The following ALOX5AP variants were observed in gnomAD, a reference collection of about 807,000 sequenced individuals.
The protein encoded by ALOX5AP is arachidonate 5-lipoxygenase activating protein.
A neutral mutation model predicts 18.5 loss-of-function variants in ALOX5AP; 9 were observed. The ratio of observed to expected loss-of-function variants is 0.49; its 90% CI spans 0.29 to 0.85. The LOEUF is 0.85. Among genes scored for constraint, ALOX5AP ranks in the 40% least tolerant of loss-of-function variants. The probability of loss-of-function intolerance (pLI) is 0.08; values close to 1 mark genes in which losing one functional copy is unlikely to be tolerated. For synonymous variants in ALOX5AP, 81 were observed against 78.6 expected, an observed-to-expected ratio of 1.03 and a Z score of -0.16; for missense variants, 172 against 202.5, an observed-to-expected ratio of 0.85 and a Z score of 0.91.
At chr13:30,715,561 G>A (rs916218912) in intron 1 of ALOX5AP, among the ~76,000 whole-genome samples, 1 of 152,194 alleles carries the variant, frequency 6.6e-6, no homozygotes, top group Non-Finnish European at 1.5e-5. Context: ...CCCACAGTGG[G>A]ATGGGGAGGC....
At chr13:30,713,733 C>T (rs1210492437) in exon 1 of ALOX5AP, 2 of 1,530,512 alleles carry the variant, frequency 1.3e-6, no homozygotes, top group South Asian at 1.2e-5. Context: ...AAAATGCTCA[C>T]ATTTAATCAC....
At chr13:30,713,856 G>GTGTGCA (rs61072483) in intron 1 of ALOX5AP, 8 of 1,534,104 alleles carry the variant, frequency 5.2e-6, no homozygotes, top group Non-Finnish European at 6.1e-6. Flanking sequence ...GTGTGTGTGT[G>GTGTGCA]CGCGCACACG....
In ALOX5AP at chr13:30,752,086, G is replaced by A. The variant is rs201824468; in HGVS notation, c.205G>A (p.Ala69Thr). 6.2e-6 allele frequency: 10 copies of A among 1,611,244 alleles called. No homozygotes were observed. The highest frequency in any genetic ancestry group is 2.2e-5 in the East Asian group (1 of 44,660). ...NCVDAYPTFL[A>T]VLWSAGLLCS... ...TGTAGATGCGTACCCCACTTTCCTC[G>A]CTGTGCTCTGGTCTGCGGGGCTACT... The change falls in exon 3 of 5, where the codon GCT becomes ACT. Residue 69 changes from alanine to threonine, a missense_variant. Coordinates refer to ENST00000380490, the MANE Select transcript of ALOX5AP (RefSeq NM_001629.4).
chr13:30,761,306 G>A (rs1379880196), intron 4 of ALOX5AP, among the ~76,000 whole-genome samples: 1 of 152,208 alleles, frequency 6.6e-6, no homozygotes, highest in African/African-American at 2.4e-5. Context: ...GAATTGAAGA[G>A]CATCACTATT....
chr13:30,751,483 T>C lies in ALOX5AP; in HGVS notation c.171-569T>C, dbSNP rs114417371. On this transcript the variant is annotated intron_variant, in intron 2 of 4. Coordinates refer to ENST00000380490, the MANE Select transcript of ALOX5AP (RefSeq NM_001629.4). Reference sequence around the variant, plus strand: ...AAAACATCCACGGTAGAGTGAGAACTCTCCAGGGAGTGAGGACTGTGCCCA... The same window carrying C: ...AAAACATCCACGGTAGAGTGAGAACCCTCCAGGGAGTGAGGACTGTGCCCA... Among the ~76,000 whole-genome samples, 165 of 152,310 alleles carry C rather than the reference T, an allele frequency of 1.1e-3. 1 individual carries two copies. Among genetic ancestry groups the C allele is most frequent in the African/African-American group, 3.8e-3 (159 of 41,562 alleles).
At chr13:30,721,633 T>C (rs1951594780) in intron 1 of ALOX5AP, among the ~76,000 whole-genome samples, 1 of 152,172 alleles carries the variant, frequency 6.6e-6, no homozygotes, top group African/African-American at 2.4e-5. Context: ...GGTCTCTCAA[T>C]CCATGCTCCA....
chr13:30,721,697 T>C (rs768711803), intron 1 of ALOX5AP, among the ~76,000 whole-genome samples: 1 of 152,168 alleles, frequency 6.6e-6, no homozygotes, highest in Non-Finnish European at 1.5e-5. Flanking sequence ...CTCCTCCTCT[T>C]AAAATCCTCA....
upstream of ALOX5AP, chr13:30,735,455 A>G: frequency 7.9e-7 from 1 of 1,267,826 alleles, no homozygotes; most frequent in East Asian, 2.7e-5. Flanking sequence ...AAAAAAAAAA[A>G]AAAAGGAAGA....
chr13:30,763,222 C>T (rs1021392809), intron 4 of ALOX5AP, among the ~76,000 whole-genome samples: 1 of 152,182 alleles, frequency 6.6e-6, no homozygotes, highest in African/African-American at 2.4e-5. Flanking sequence ...GCATGAGAAT[C>T]ACTTAAGCCC....
At chr13:30,737,065 G>T (rs762696338) in intron 1 of ALOX5AP, among the ~76,000 whole-genome samples, 3 of 152,238 alleles carry the variant, frequency 2.0e-5, no homozygotes, top group Non-Finnish European at 2.9e-5. Context: ...GTATGGGTGG[G>T]CAGGTGGCTA....
At chr13:30,750,575 C>G (rs1951844522) in intron 2 of ALOX5AP, among the ~76,000 whole-genome samples, 1 of 152,140 alleles carries the variant, frequency 6.6e-6, no homozygotes, top group African/African-American at 2.4e-5. Flanking sequence ...TGACCCTGAG[C>G]AAGTTATTCA....
At chr13:30,748,836 C>T (rs1270825546) in intron 2 of ALOX5AP, among the ~76,000 whole-genome samples, 2 of 152,240 alleles carry the variant, frequency 1.3e-5, no homozygotes, top group South Asian at 2.1e-4. Flanking sequence ...TGCACCCACA[C>T]TCACATAGCC....
intron 1 of ALOX5AP, among the ~76,000 whole-genome samples, chr13:30,716,252 A>G (rs982492285): frequency 2.6e-5 from 4 of 152,242 alleles, no homozygotes; most frequent in Non-Finnish European, 4.4e-5. Flanking sequence ...CTACCTGCCA[A>G]CACTGCAACA....
chr13:30,738,254 C>A (rs1455175455), intron 1 of ALOX5AP, among the ~76,000 whole-genome samples: 1 of 152,168 alleles, frequency 6.6e-6, no homozygotes, highest in African/African-American at 2.4e-5. Flanking sequence ...TCCTCCTCTG[C>A]CTTTCAAACA....
At chr13:30,733,777 CTCT>C (rs1342364790), upstream of ALOX5AP, among the ~76,000 whole-genome samples, 1 of 152,194 alleles carries the variant, frequency 6.6e-6, no homozygotes, top group South Asian at 2.1e-4. Context: ...GGCAAATTCC[CTCT>C]TCTTCTTGAG....
At chr13:30,724,183 G>A (rs1951617767) in intron 1 of ALOX5AP, among the ~76,000 whole-genome samples, 1 of 152,094 alleles carries the variant, frequency 6.6e-6, no homozygotes. Flanking sequence ...CATACAAATG[G>A]AATCATACAG....
chr13:30,735,114 A>G (rs9670503), upstream of ALOX5AP, among the ~76,000 whole-genome samples: 151,483 of 152,274 alleles, frequency 0.99, 75,351 homozygotes, highest in Middle Eastern at 1. Context: ...GGGCCCAAGC[A>G]ATCTTCCCAC....
intron 4 of ALOX5AP, among the ~76,000 whole-genome samples, chr13:30,761,814 A>G (rs1174977960): frequency 6.6e-6 from 1 of 152,202 alleles, no homozygotes; most frequent in Non-Finnish European, 1.5e-5. Context: ...CCCCAGTCAT[A>G]CTGGATGAGG....
chr13:30,726,779 A>C (rs77402764), intron 1 of ALOX5AP, among the ~76,000 whole-genome samples: 169 of 151,606 alleles, frequency 1.1e-3, no homozygotes, highest in African/African-American at 3.9e-3. Flanking sequence ...TGATTCTACC[A>C]TTTAGTCCTC....
Sources: gnomAD v4.1 joint callset for allele counts (sites outside exome capture counted in the v4.1 genomes callset) on GRCh38, gnomAD v4.1.1 for gene constraint, MANE v1.5 for transcripts, NCBI Gene and HGNC (gene_info 2026-07-23, HGNC 2026-07-21) for gene names.